Variants in TNPO1 observed in about 807,000 individuals in gnomAD.
TNPO1 encodes transportin-1.
In TNPO1, 8 loss-of-function variants were observed where a neutral mutation model predicts 119.5. The ratio of observed to expected loss-of-function variants is 0.07; its 90% confidence interval spans 0.04 to 0.12. The LOEUF is 0.12. Ranked by LOEUF, TNPO1 falls within the 10% of genes least tolerant of loss-of-function variation. The pLI is 1.00. For missense variants in TNPO1, 576 were observed against 1,089.8 expected (o/e 0.53, Z 6.64); for synonymous variants, 362 against 363.0 (o/e 1.00, Z 0.03).
intron 18 of TNPO1, among the ~76,000 whole-genome samples, chr5:72,896,068 A>C (rs1210558694): frequency 2.6e-5 from 4 of 152,124 alleles, no homozygotes; most frequent in Admixed American, 6.5e-5. Context: ...CAATCAGAGC[A>C]CAAGAGTGAA....
chr5:72,829,730 G>A (rs577386804), intron 1 of TNPO1, among the ~76,000 whole-genome samples: 1 of 152,326 alleles, frequency 6.6e-6, no homozygotes, highest in East Asian at 1.9e-4. Context: ...TGTGATTGGT[G>A]TAGGATTTCC....
chr5:72,828,503 C>T lies in TNPO1; in HGVS notation c.15+11751C>T, dbSNP rs550392118. On this transcript the variant is annotated intron_variant, in intron 1 of 24. Transcript: ENST00000337273. ...TTTTGCTACATTTGTTTGCTTCTCT[C>T]GCTGTCTCTACACACACATACACAC... is the stretch of plus-strand genomic sequence containing the variant. Among the ~76,000 whole-genome samples the T allele has an allele frequency of 7.2e-5, 11 of 152,258 alleles. No homozygotes were observed. The South Asian group carries it at 1.7e-3, about 23-fold the overall frequency.
chr5:72,873,017 T>TATA (rs1473579218), intron 7 of TNPO1, among the ~76,000 whole-genome samples: 1 of 152,100 alleles, frequency 6.6e-6, no homozygotes, highest in Non-Finnish European at 1.5e-5. Context: ...TTCAATATAC[T>TATA]GTTCAAATTG....
rs201462652 is a variant in TNPO1, at chr5:72,865,574, A to G, written c.463-22A>G. The G allele has an allele frequency of 2.6e-5, 41 of 1,604,028 alleles. No homozygotes were observed. In the East Asian group the frequency reaches 7.8e-4, roughly 31 times the overall value. On this transcript the variant is annotated intron_variant, in intron 5 of 24. Transcript: ENST00000337273. Reference sequence around the variant, plus strand: ...GGCTTCATTTTTAACAAATTCTGATAATTTAAATGTGTCTCTTACAGGGAG... The same window carrying G: ...GGCTTCATTTTTAACAAATTCTGATGATTTAAATGTGTCTCTTACAGGGAG...
rs1561341502 is a variant in TNPO1, at chr5:72,882,629, TA to T, written c.981+105del. Reference sequence around the variant, plus strand: ...ACATTCATTGAGAATAGATCTCCTGTAAATAGACTTCCTATTATCCATAATA... The same window carrying T: ...ACATTCATTGAGAATAGATCTCCTGTAATAGACTTCCTATTATCCATAATA... On this transcript the variant is annotated intron_variant, in intron 10 of 24. Transcript: ENST00000337273. 25 of 731,166 alleles carry T rather than the reference TA, an allele frequency of 3.4e-5. No individual in the cohort carries two copies. The South Asian group carries it at 4.5e-4, about 13-fold the overall frequency. 45.3% of individuals were successfully genotyped at this position (731,166 alleles called of 1,614,324 possible). A position where few individuals can be genotyped will look rare whatever the true frequency, so the allele number is the denominator to read the frequency against.
Position 72,900,057 on chromosome 5 carries a change from T to A in TNPO1, c.2390T>A (p.Met797Lys). ...GTTTGTCCTCAAGAGGTGGCCCCCA[T>A]GCTACAGCAGTTTATAAGACCCTGG... ...GYVCPQEVAP[M>K]LQQFIRPWCT... Residue 797 changes from methionine to lysine, a missense_variant, in exon 21 of 25, where the codon ATG becomes AAG. Coordinates refer to ENST00000337273, the MANE Select transcript of TNPO1 (RefSeq NM_002270.4). 1 of 1,614,058 alleles carries A rather than the reference T, an allele frequency of 6.2e-7. No homozygotes were observed. Among genetic ancestry groups the A allele is most frequent in the Non-Finnish European group, 8.5e-7 (1 of 1,179,924 alleles).
At chr5:72,878,742 G>T in intron 9 of TNPO1, 7 of 246,964 alleles carry the variant, frequency 2.8e-5, no homozygotes, top group South Asian at 4.6e-5. Context: ...TTAATGATAC[G>T]TTTGAGTTTC....
chr5:72,822,832 A>T (rs529113488), intron 1 of TNPO1, among the ~76,000 whole-genome samples: 1 of 150,696 alleles, frequency 6.6e-6, no homozygotes, highest in African/African-American at 2.4e-5. Context: ...ACCTCAGGCA[A>T]TCCGCCCACC....
chr5:72,824,905 A>T (rs1744137750), intron 1 of TNPO1, among the ~76,000 whole-genome samples: 1 of 151,974 alleles, frequency 6.6e-6, no homozygotes, highest in Admixed American at 6.5e-5. Context: ...AAACTCCTAA[A>T]CTTTCTCCCC....
chr5:72,883,695 A>G (rs536608789), intron 11 of TNPO1, among the ~76,000 whole-genome samples: 31 of 152,316 alleles, frequency 2.0e-4, no homozygotes, highest in African/African-American at 7.2e-4. Context: ...TTGTGATGCT[A>G]TAAATACTCA....
At chr5:72,829,574 A>G (rs944508444) in intron 1 of TNPO1, among the ~76,000 whole-genome samples, 1 of 152,252 alleles carries the variant, frequency 6.6e-6, no homozygotes, top group African/African-American at 2.4e-5. Context: ...GAATTTCAGT[A>G]GCAAGTATAA....
chr5:72,820,317 A>G lies in TNPO1; in HGVS notation c.15+3565A>G, dbSNP rs114410459. Among the ~76,000 whole-genome samples the G allele has an allele frequency of 5.5e-3, 841 of 152,328 alleles. 5 individuals carry two copies. The highest frequency in any genetic ancestry group is 0.019 in the African/African-American group (799 of 41,568). ...GTCCCCAAAGCAAAAATACTGAGTC[A>G]AAGTAAACATCCAAAGCTCATGGTC... On this transcript the variant is annotated intron_variant, in intron 1 of 24. Transcript: ENST00000337273.
chr5:72,875,748 C>T lies in TNPO1; in HGVS notation c.801+11C>T. On this transcript the variant is annotated intron_variant, in intron 8 of 24. Coordinates refer to ENST00000337273, the MANE Select transcript of TNPO1 (RefSeq NM_002270.4). ...CATAATATAGTTGAGGTAACACTGG[C>T]AATTTAAAGGCTCTTTCATCATCTT... 5.0e-6 allele frequency: 8 copies of T among 1,588,470 alleles called. No individual in the cohort carries two copies. Among genetic ancestry groups the T allele is most frequent in the Non-Finnish European group, 6.9e-6 (8 of 1,160,762 alleles).
rs1748377850 is a variant in TNPO1, at chr5:72,883,211, A to G, written c.1129A>G (p.Thr377Ala). ...DDDDEIDDDD[T>A]ISDWNLRKCS... is the part of the protein sequence containing the mutation. The stretch of plus-strand genomic sequence containing the variant: ...TGATGATGAAATTGATGATGATGAT[A>G]CAATTTCTGACTGGAATCTAAGTAA... The change falls in exon 11 of 25, where the codon ACA becomes GCA. Residue 377 changes from threonine (T) to alanine (A), a missense_variant. This residue lies in a region of TNPO1 where 310 missense variants were observed against 583.0 expected (regional missense o/e 0.53). Coordinates refer to ENST00000337273, the MANE Select transcript of TNPO1 (RefSeq NM_002270.4). 1 of 1,505,618 alleles carries G rather than the reference A, an allele frequency of 6.6e-7. No individual in the cohort carries two copies. Among genetic ancestry groups the G allele is most frequent in the Non-Finnish European group, 9.2e-7 (1 of 1,081,182 alleles). 93.3% of individuals were successfully genotyped at this position (1,505,618 alleles called of 1,614,324 possible).
intron 9 of TNPO1, among the ~76,000 whole-genome samples, chr5:72,881,188 A>G (rs147212753): frequency 2.6e-5 from 4 of 151,842 alleles, no homozygotes; most frequent in Non-Finnish European, 4.4e-5. Flanking sequence ...TCAGCTCACT[A>G]CAAGCTCCAC....
chr5:72,896,324 T>A (rs1196948447), intron 18 of TNPO1, 134 bp from the exon 19 acceptor site: 3 of 493,630 alleles, frequency 6.1e-6, no homozygotes, highest in African/African-American at 2.0e-5. Context: ...TTAAAATTGA[T>A]GTTGCAGTAA....
At position 72,821,767 on chromosome 5, in the gene TNPO1, A is replaced by G. The variant is rs78771502; in HGVS notation, c.15+5015A>G. Among the ~76,000 whole-genome samples, 223 of 152,300 alleles carry G rather than the reference A, an allele frequency of 1.5e-3. 2 individuals carry two copies. Among genetic ancestry groups the G allele is most frequent in the African/African-American group, 4.9e-3 (205 of 41,566 alleles). On this transcript the variant is annotated intron_variant, in intron 1 of 24. Coordinates refer to ENST00000337273, the MANE Select transcript of TNPO1 (RefSeq NM_002270.4). ...GGCCAGTAATAGATTCGTTGAATAG[A>G]TTAGGGGGAATGTCTGGAGCATTTT...
rs1750680933 is a variant in TNPO1, at chr5:72,913,283, T to G, written c.*4610T>G. 1 of 152,502 alleles carries G rather than the reference T, an allele frequency of 6.6e-6. No homozygotes were observed. The allele number at this position is 152,502 out of a possible 1,614,324, so 9.4% of individuals were successfully genotyped here. ...TCACCTTTAGGCTTTCCAAGTGAATTGTGACTAATTTTTTCAATCTTACAT... is the reference window on the plus strand; with the variant it reads ...TCACCTTTAGGCTTTCCAAGTGAATGGTGACTAATTTTTTCAATCTTACAT... On this transcript the variant is annotated 3_prime_UTR_variant, in exon 25 of 25. Coordinates refer to ENST00000337273, the MANE Select transcript of TNPO1 (RefSeq NM_002270.4).
chr5:72,834,093 G>A (rs567280122), intron 1 of TNPO1, among the ~76,000 whole-genome samples: 68 of 152,088 alleles, frequency 4.5e-4, no homozygotes, highest in South Asian at 3.1e-3. Context: ...CTTCTATTGC[G>A]TCTTGATGCT....
Sources: gnomAD v4.1 joint callset for allele counts (sites outside exome capture counted in the v4.1 genomes callset) on GRCh38, gnomAD v4.1.1 for gene constraint, gnomAD v4.1.1 regional missense constraint, MANE v1.5 for transcripts, NCBI Gene and HGNC (gene_info 2026-07-23, HGNC 2026-07-21) for gene names.